ZNF680: variants seen among roughly 807,000 people sequenced by gnomAD.
ZNF680 encodes hypothetical protein FLJ90430.
In ZNF680, 6 loss-of-function variants were observed where a neutral mutation model predicts 12.1. The ratio of observed to expected loss-of-function variants is 0.49; its 90% CI spans 0.27 to 0.98. The LOEUF (loss-of-function observed/expected upper bound fraction) is 0.98, where lower values mean the gene tolerates loss of function less well. Ranked by LOEUF, ZNF680 falls within the 50% of genes least tolerant of loss-of-function variation. The pLI, the probability that ZNF680 is intolerant of heterozygous loss-of-function variation, is 0.12. For synonymous variants in ZNF680, 170 were observed against 199.3 expected (o/e 0.85, Z 1.24); for missense variants, 561 against 616.3 (o/e 0.91, Z 0.95).
the ZNF680 span, chr7:64,501,434 A>G: frequency 9.8e-7 from 1 of 1,024,196 alleles, no homozygotes; most frequent in South Asian, 1.3e-5. Context: ...CAGATAAAAC[A>G]AAAGGTGGAT....
intron 1 of ZNF680, among the ~76,000 whole-genome samples, chr7:64,562,122 C>A (rs901183783): frequency 1.0e-4 from 15 of 150,624 alleles, no homozygotes; most frequent in Non-Finnish European, 1.5e-5. Context: ...ATCCCAGCTA[C>A]TCGGGAGGCT....
intron 3 of ZNF680, chr7:64,525,100 A>C (rs1477731605): frequency 1.3e-5 from 2 of 151,292 alleles, no homozygotes; most frequent in Admixed American, 6.6e-5. Flanking sequence ...AATCTGCAAT[A>C]AAATAAACAA....
chr7:64,512,060 C>CA, the ZNF680 span, among the ~76,000 whole-genome samples: 8,876 of 112,400 alleles, frequency 0.079, 492 homozygotes, highest in East Asian at 0.37. Context: ...ACTTGGTCTC[C>CA]AAAAAAAAAA....
chr7:64,501,738 T>G, the ZNF680 span: 3 of 914,480 alleles, frequency 3.3e-6, no homozygotes, highest in Non-Finnish European at 5.4e-6. Flanking sequence ...AAGCACATAG[T>G]GGGGGTTAGA....
chr7:64,540,303 CTTTTTTT>C (rs61265238), intron 3 of ZNF680, among the ~76,000 whole-genome samples: 10 of 129,140 alleles, frequency 7.7e-5, no homozygotes, highest in South Asian at 4.7e-4. Flanking sequence ...CTGATTTATC[CTTTTTTT>C]TTTTTTTTTT....
intron 1 of ZNF680, among the ~76,000 whole-genome samples, chr7:64,553,898 C>T (rs891990358): frequency 3.3e-5 from 5 of 152,202 alleles, no homozygotes; most frequent in African/African-American, 9.6e-5. Flanking sequence ...TCAATGTTGC[C>T]CAGGCTGGAG....
intron 3 of ZNF680, among the ~76,000 whole-genome samples, chr7:64,526,819 T>A (rs1791877314): frequency 6.6e-6 from 1 of 152,236 alleles, no homozygotes; most frequent in South Asian, 2.1e-4. Context: ...TGTTATGAAA[T>A]TAAAATATAT....
chr7:64,526,518 C>A, intron 3 of ZNF680: 1 of 661,322 alleles, frequency 1.5e-6, no homozygotes, highest in Non-Finnish European at 2.4e-6. Context: ...CAGTAAGACT[C>A]TGCATATAAA....
intron 1 of ZNF680, among the ~76,000 whole-genome samples, chr7:64,545,054 T>C (rs940367840): frequency 1.3e-5 from 2 of 151,370 alleles, no homozygotes; most frequent in Admixed American, 1.3e-4. Flanking sequence ...AGGTCACGAG[T>C]TCGAAATCAG....
At position 64,544,439 on chromosome 7, in the gene ZNF680, A is replaced by C. The variant is rs1431844947; in HGVS notation, c.31-7T>G. ...CCCTAAATGTCAGTGGTCCCTGAAA[A>C]ACACACACACACACACACACACACA... On this transcript the variant is annotated splice_region_variant and splice_polypyrimidine_tract_variant and intron_variant, in intron 1 of 3. Transcript: ENST00000309683. 2.0e-5 allele frequency: 30 copies of C among 1,535,640 alleles called. No homozygotes were observed. The highest frequency in any genetic ancestry group is 1.8e-4 in the Middle Eastern group (1 of 5,606).
At chr7:64,545,995 C>T (rs1786765986) in intron 1 of ZNF680, among the ~76,000 whole-genome samples, 1 of 152,044 alleles carries the variant, frequency 6.6e-6, no homozygotes, top group South Asian at 2.1e-4. Flanking sequence ...ACATAAGAAG[C>T]CATGATGCAG....
At chr7:64,542,454 CTT>C in intron 3 of ZNF680, among the ~76,000 whole-genome samples, 1 of 152,074 alleles carries the variant, frequency 6.6e-6, no homozygotes, top group South Asian at 2.1e-4. Context: ...ATCATATGCT[CTT>C]ATATATAAAA....
chr7:64,551,135 G>A (rs181606202), intron 1 of ZNF680, among the ~76,000 whole-genome samples: 273 of 152,204 alleles, frequency 1.8e-3, no homozygotes, highest in Middle Eastern at 0.017. Flanking sequence ...CCTGGTAATT[G>A]GGGAGGCCAT....
rs750887660 is a variant in ZNF680, at chr7:64,522,323, T to C, written c.431A>G (p.Gln144Arg). Residue 144 changes from glutamine (Q) to arginine (R), a missense_variant, in exon 4 of 4, where the codon CAA becomes CGA. Physicochemically the swap from Gln to Arg is conservative, Grantham distance 43. Coordinates refer to ENST00000309683, the MANE Select transcript of ZNF680 (RefSeq NM_178558.5). ...VFKEGYNELNQCLRTTQSKIF... is the reference protein window; with the variant it reads ...VFKEGYNELNRCLRTTQSKIF... ...TTTGCTCTGGGTAGTTCTCAAACATTGGTTAAGTTCATTATAACCTTCTTT... is the reference window on the plus strand; with the variant it reads ...TTTGCTCTGGGTAGTTCTCAAACATCGGTTAAGTTCATTATAACCTTCTTT... 1 of 1,612,986 alleles carries C rather than the reference T, an allele frequency of 6.2e-7. No individual in the cohort carries two copies. The highest frequency in any genetic ancestry group is 8.5e-7 in the Non-Finnish European group (1 of 1,179,418).
intron 1 of ZNF680, chr7:64,561,353 T>A (rs1787723237): frequency 6.6e-6 from 1 of 152,402 alleles, no homozygotes; most frequent in African/African-American, 2.4e-5. Flanking sequence ...CATGGTTTAT[T>A]CCCAGACAGT....
chr7:64,507,933 A>G, the ZNF680 span, among the ~76,000 whole-genome samples: 1 of 150,150 alleles, frequency 6.7e-6, no homozygotes, highest in Non-Finnish European at 1.5e-5. Flanking sequence ...GTAAACTTTT[A>G]ATGTTATGAA....
chr7:64,513,251 G>A, the ZNF680 span, among the ~76,000 whole-genome samples: 3 of 151,946 alleles, frequency 2.0e-5, no homozygotes, highest in African/African-American at 7.3e-5. Context: ...GTATGCAAAA[G>A]CAGTAAAATG....
the ZNF680 span, among the ~76,000 whole-genome samples, chr7:64,511,592 AAAC>A: frequency 6.7e-6 from 1 of 150,350 alleles, no homozygotes; most frequent in Non-Finnish European, 1.5e-5. Flanking sequence ...ACAAACAAAC[AAAC>A]AAAAAAAAAC....
intron 3 of ZNF680, among the ~76,000 whole-genome samples, chr7:64,529,856 T>C (rs921121604): frequency 2.6e-5 from 4 of 152,142 alleles, no homozygotes; most frequent in Admixed American, 2.0e-4. Flanking sequence ...TCAGGTTATC[T>C]AAAGTTAAGA....
Sources: gnomAD v4.1 joint callset for allele counts (sites outside exome capture counted in the v4.1 genomes callset) on GRCh38, gnomAD v4.1.1 for gene constraint, MANE v1.5 for transcripts, NCBI Gene and HGNC (gene_info 2026-07-23, HGNC 2026-07-21) for gene names.